The following BLOC1S3 variants were observed in gnomAD, a reference collection of about 807,000 sequenced individuals.
BLOC1S3 encodes the protein biogenesis of lysosomal organelles complex 1 subunit 3, also known as biogenesis of lysosome-related organelles complex 1 subunit 3.
Under a neutral mutation model 9.1 loss-of-function variants are expected in BLOC1S3, and 7 were observed. The observed-to-expected ratio is 0.77, with a 90% CI of 0.44 to 1.45. The LOEUF is 1.45. Among genes scored for constraint, BLOC1S3 ranks in the 40% most tolerant of loss-of-function variants. The probability of loss-of-function intolerance (pLI) is 0.01; values close to 1 mark genes in which losing one functional copy is unlikely to be tolerated. For missense variants in BLOC1S3, 307 were observed against 315.2 expected (o/e 0.97, Z 0.20); for synonymous variants, 145 against 158.4 (o/e 0.92, Z 0.64).
chr19:45,208,291 A>G (rs1262436709), intron 3 of BLOC1S3, among the ~76,000 whole-genome samples: 1 of 151,860 alleles, frequency 6.6e-6, no homozygotes, highest in East Asian at 1.9e-4. Flanking sequence ...GTAACTTCTT[A>G]TGAATCTATA....
chr19:45,201,218 AG>A (rs1969688655), intron 2 of BLOC1S3, among the ~76,000 whole-genome samples: 1 of 147,016 alleles, frequency 6.8e-6, no homozygotes, highest in African/African-American at 2.5e-5. Context: ...AAAAAAAAAA[AG>A]GAATCTTAGA....
chr19:45,179,198 A>G lies in BLOC1S3; in HGVS notation c.-9-90A>G, dbSNP rs554810421. On this transcript the variant is annotated intron_variant, in intron 1 of 1. Coordinates refer to ENST00000433642, the MANE Select transcript of BLOC1S3 (RefSeq NM_212550.5). This position sits in a 1 kb window ranked among gnomAD's most constrained non-coding sequence, Gnocchi z 4.6. ...CAGCTGACACCAAGTCGTTAAGAGA[A>G]TCAGCGAAGGGGCTGGGAATCCAGG... 2.9e-6 allele frequency: 4 copies of G among 1,361,734 alleles called. No individual in the cohort carries two copies. In the South Asian group the frequency reaches 4.9e-5, roughly 17 times the overall value. The allele number at this position is 1,361,734 out of a possible 1,614,324, so 84.4% of individuals were successfully genotyped here. A position where few individuals can be genotyped will look rare whatever the true frequency, so the allele number is the denominator to read the frequency against.
chr19:45,216,515 G>A (rs1455137076), intron 3 of BLOC1S3, among the ~76,000 whole-genome samples: 1 of 152,084 alleles, frequency 6.6e-6, no homozygotes, highest in Non-Finnish European at 1.5e-5. Flanking sequence ...AGAGGCAGAG[G>A]TTACAGTGAG....
chr19:45,212,970 G>T, intron 3 of BLOC1S3: 4 of 1,293,404 alleles, frequency 3.1e-6, no homozygotes, highest in Non-Finnish European at 4.1e-6. Context: ...TATCCCAGGG[G>T]TGTGTGGTCC....
chr19:45,179,581 C>T lies in BLOC1S3; in HGVS notation c.285C>T (p.Gly95=). The T allele has an allele frequency of 2.0e-6, 3 of 1,497,592 alleles. No homozygotes were observed. Among genetic ancestry groups the T allele is most frequent in the Non-Finnish European group, 2.7e-6 (3 of 1,130,554 alleles). The allele number at this position is 1,497,592 out of a possible 1,614,324, so 92.8% of individuals were successfully genotyped here. ...GGGAATCGGCGGAGGAGGCCTGGGGCACGGAGGAGGCCCCGGCGCCCGCCC... is the reference window on the plus strand; with the variant it reads ...GGGAATCGGCGGAGGAGGCCTGGGGTACGGAGGAGGCCCCGGCGCCCGCCC... ...VQRESAEEAW[G]TEEAPAPAPA... Residue 95 remains glycine, a synonymous_variant, in exon 2 of 2, where the codon GGC becomes GGT. Transcript: ENST00000433642. This position sits in a 1 kb window ranked among gnomAD's most constrained non-coding sequence, Gnocchi z 4.6.
chr19:45,190,195 C>T (rs114399008), intron 2 of BLOC1S3, among the ~76,000 whole-genome samples: 1 of 151,354 alleles, frequency 6.6e-6, no homozygotes, highest in African/African-American at 2.4e-5. Flanking sequence ...GTGAGAGACT[C>T]TGATGCATTC....
chr19:45,213,058 T>C, intron 3 of BLOC1S3: 1 of 1,470,984 alleles, frequency 6.8e-7, no homozygotes, highest in Non-Finnish European at 9.0e-7. Context: ...AGGCCGGCGG[T>C]TGGGTGACCC....
At chr19:45,191,185 C>G (rs765095743) in intron 2 of BLOC1S3, among the ~76,000 whole-genome samples, 22 of 151,816 alleles carry the variant, frequency 1.4e-4, no homozygotes, top group South Asian at 6.2e-4. Flanking sequence ...TGCAATGGCA[C>G]GATCTCGGCT....
downstream of BLOC1S3, among the ~76,000 whole-genome samples, chr19:45,186,388 C>T (rs1179936606): frequency 6.6e-6 from 1 of 152,064 alleles, no homozygotes; most frequent in African/African-American, 2.4e-5. Context: ...GTCTTGAACT[C>T]CTGGGCTCAA....
Position 45,179,335 on chromosome 19 carries a change from G to GC in BLOC1S3, c.41dup (p.Glu15GlyfsTer130). 6.3e-7 allele frequency: 1 copy of GC among 1,586,814 alleles called. No individual in the cohort carries two copies. The highest frequency in any genetic ancestry group is 8.5e-7 in the Non-Finnish European group (1 of 1,175,064). On this transcript the variant is annotated frameshift_variant, in exon 2 of 2. Transcript: ENST00000433642. LOFTEE classifies it high-confidence loss of function. This position sits in a 1 kb window ranked among gnomAD's most constrained non-coding sequence, Gnocchi z 4.6. ...GTCGTCGGCGGAGGCCCCTGCGGAGGCCGGAGACGGTGGTGCCGGGGGAGG... is the reference window on the plus strand; with the variant it reads ...GTCGTCGGCGGAGGCCCCTGCGGAGGCCCGGAGACGGTGGTGCCGGGGGAGG...
rs1253081876 is a variant in BLOC1S3, at chr19:45,197,151, G to GTGT, written n.181-5255_181-5254insTGT. On this transcript the variant is annotated intron_variant and non_coding_transcript_variant, in intron 2 of 3. Coordinates refer to the BLOC1S3 transcript ENST00000591569. ...TGCAGTGAGCTATGATCGTGCCACT[G>GTGT]CACTCCAGCCTGGGTGACACAGTGA... Among the ~76,000 whole-genome samples, 3 of 152,074 alleles carry GTGT rather than the reference G, an allele frequency of 2.0e-5. No individual in the cohort carries two copies. The East Asian group carries it at 5.8e-4, about 29-fold the overall frequency.
chr19:45,202,670 A>G (rs1212848281), intron 3 of BLOC1S3, among the ~76,000 whole-genome samples: 6 of 152,088 alleles, frequency 3.9e-5, no homozygotes, highest in African/African-American at 9.7e-5. Context: ...CCAAGATGCA[A>G]GACAAAGTCT....
At chr19:45,199,649 G>A (rs1043860142) in intron 2 of BLOC1S3, among the ~76,000 whole-genome samples, 4 of 151,268 alleles carry the variant, frequency 2.6e-5, no homozygotes, top group African/African-American at 7.3e-5. Context: ...GTCTCCTCTG[G>A]CTGTGTCTTG....
At chr19:45,194,152 G>A (rs1237432892) in intron 2 of BLOC1S3, among the ~76,000 whole-genome samples, 21 of 85,674 alleles carry the variant, frequency 2.5e-4, no homozygotes, top group South Asian at 1.4e-3. Context: ...TCACTTTGTC[G>A]CCCAGGCTAG....
intron 3 of BLOC1S3, among the ~76,000 whole-genome samples, chr19:45,205,883 C>T (rs1969722391): frequency 6.6e-6 from 1 of 152,130 alleles, no homozygotes; most frequent in Admixed American, 6.6e-5. Flanking sequence ...CAAACAAGTA[C>T]ACAAAAAGCT....
chr19:45,186,840 A>G (rs1186821752), upstream of BLOC1S3, among the ~76,000 whole-genome samples: 2 of 152,204 alleles, frequency 1.3e-5, no homozygotes, highest in Non-Finnish European at 2.9e-5. Flanking sequence ...CTCATAGACA[A>G]CTGGCCACTT....
At chr19:45,209,937 A>G (rs1038208968) in intron 3 of BLOC1S3, among the ~76,000 whole-genome samples, 7 of 151,588 alleles carry the variant, frequency 4.6e-5, no homozygotes, top group Non-Finnish European at 7.4e-5. Flanking sequence ...TCACTGTGTT[A>G]GCCAGGATGG....
chr19:45,185,592 C>T (rs537111312), downstream of BLOC1S3, among the ~76,000 whole-genome samples: 5 of 152,118 alleles, frequency 3.3e-5, 1 homozygote, highest in African/African-American at 1.2e-4. Flanking sequence ...TGCAAAGAAC[C>T]AGAGGCAGGA....
chr19:45,212,412 C>T (rs1214518518), intron 3 of BLOC1S3, among the ~76,000 whole-genome samples: 1 of 152,058 alleles, frequency 6.6e-6, no homozygotes, highest in African/African-American at 2.4e-5. Context: ...ATCGAACGTT[C>T]CTTAATACAT....
Sources: gnomAD v4.1 joint callset for allele counts (sites outside exome capture counted in the v4.1 genomes callset) on GRCh38, gnomAD v4.1.1 for gene constraint, Gnocchi (gnomAD v3.1) non-coding constraint, MANE v1.5 for transcripts, NCBI Gene and HGNC (gene_info 2026-07-23, HGNC 2026-07-21) for gene names.